Variants in SLAMF9 observed in about 807,000 individuals in gnomAD.
SLAMF9 encodes CD2 family member 10.
A neutral mutation model predicts 30.4 loss-of-function variants in SLAMF9; 25 were observed. The ratio of observed to expected loss-of-function variants is 0.82; its 90% CI spans 0.60 to 1.15. SLAMF9 has a LOEUF of 1.15. Ranked by LOEUF, SLAMF9 falls within the 50% of genes most tolerant of loss-of-function variation. SLAMF9 has a pLI of 0.00. For synonymous variants in SLAMF9, 129 were observed against 127.2 expected (o/e 1.01, Z -0.09); for missense variants, 344 against 346.1 (o/e 0.99, Z 0.05).
At chr1:159,968,516 G>A in the SLAMF9 span, among the ~76,000 whole-genome samples, 1 of 152,174 alleles carries the variant, frequency 6.6e-6, no homozygotes, top group East Asian at 1.9e-4. Context: ...TACCCTGCCA[G>A]TTACAATGGT....
At chr1:159,965,872 A>T in the SLAMF9 span, among the ~76,000 whole-genome samples, 1 of 152,350 alleles carries the variant, frequency 6.6e-6, no homozygotes, top group African/African-American at 2.4e-5. Context: ...ATATAGTACA[A>T]TGTGATGTTT....
the SLAMF9 span, chr1:159,973,379 C>T: frequency 6.6e-5 from 35 of 527,316 alleles, no homozygotes; most frequent in African/African-American, 1.1e-4. Context: ...GGCTGCAGCC[C>T]GGGAACCCCA....
the SLAMF9 span, among the ~76,000 whole-genome samples, chr1:159,970,907 C>A: frequency 1.3e-5 from 2 of 152,146 alleles, no homozygotes; most frequent in Non-Finnish European, 2.9e-5. Flanking sequence ...TAAAATCAGC[C>A]TAGGAAAGAA....
the SLAMF9 span, chr1:159,973,076 A>G: frequency 1.8e-5 from 26 of 1,481,758 alleles, no homozygotes; most frequent in Non-Finnish European, 2.3e-5. Flanking sequence ...AGTAAAGCCC[A>G]GAGTCTCCCT....
the SLAMF9 span, chr1:159,976,577 C>T: frequency 6.6e-6 from 1 of 152,114 alleles, no homozygotes; most frequent in Non-Finnish European, 1.5e-5. Context: ...TTACTATATT[C>T]ACATATATGT....
chr1:159,980,084 T>C, the SLAMF9 span, among the ~76,000 whole-genome samples: 1 of 152,112 alleles, frequency 6.6e-6, no homozygotes, highest in Admixed American at 6.5e-5. Flanking sequence ...CAAAGGAAGT[T>C]TAAGGCCAAT....
chr1:159,961,043 T>G, the SLAMF9 span, among the ~76,000 whole-genome samples: 1 of 152,150 alleles, frequency 6.6e-6, no homozygotes, highest in South Asian at 2.1e-4. Context: ...TTGGATTATC[T>G]CCCAGAAAGA....
chr1:159,965,732 G>A, the SLAMF9 span: 5 of 152,124 alleles, frequency 3.3e-5, no homozygotes, highest in East Asian at 9.6e-4. Context: ...TTAATACTTT[G>A]GAACTCAGAA....
the SLAMF9 span, chr1:159,972,965 C>T: frequency 3.3e-6 from 4 of 1,199,064 alleles, no homozygotes; most frequent in Admixed American, 2.9e-5. Context: ...GCCCAGACCC[C>T]TGGGGGCGTC....
At chr1:159,974,127 C>T in the SLAMF9 span, 5 of 1,236,244 alleles carry the variant, frequency 4.0e-6, no homozygotes, top group Non-Finnish European at 5.8e-6. Context: ...TTCTCTCCCT[C>T]TGTCCTCCAG....
In SLAMF9 at chr1:159,951,640, A is replaced by C. The variant is rs754461680; in HGVS notation, c.*21T>G. 2 of 1,611,602 alleles carry C rather than the reference A, an allele frequency of 1.2e-6. No individual in the cohort carries two copies. The highest frequency in any genetic ancestry group is 2.2e-5 in the South Asian group (2 of 90,886). On this transcript the variant is annotated 3_prime_UTR_variant, in exon 4 of 4. Transcript: ENST00000368093. ...GTGCTGGGAAGAAACCAAGCTCAGGACTGGGGTTCCCAAGGAGCAGTCAGG... is the reference window on the plus strand; with the variant it reads ...GTGCTGGGAAGAAACCAAGCTCAGGCCTGGGGTTCCCAAGGAGCAGTCAGG...
the SLAMF9 span, among the ~76,000 whole-genome samples, chr1:159,959,674 G>T: frequency 2.6e-5 from 4 of 152,068 alleles, no homozygotes; most frequent in Non-Finnish European, 4.4e-5. Context: ...TTCTTTACTT[G>T]GCTTGTGGTC....
At chr1:159,969,833 A>G in the SLAMF9 span, among the ~76,000 whole-genome samples, 206 of 152,312 alleles carry the variant, frequency 1.4e-3, 2 homozygotes, top group African/African-American at 4.8e-3. Context: ...ATTTGAGCCC[A>G]GGAGTTCAAG....
chr1:159,952,213 T>C, intron 3 of SLAMF9, 49 bp downstream of exon 3: 1 of 1,597,296 alleles, frequency 6.3e-7, no homozygotes, highest in South Asian at 1.1e-5. Context: ...ATGGTGCCTC[T>C]AGGCACTATC....
chr1:159,960,207 A>T, the SLAMF9 span, among the ~76,000 whole-genome samples: 4 of 112,060 alleles, frequency 3.6e-5, no homozygotes, highest in Admixed American at 1.3e-4. Context: ...GATGTTCCCC[A>T]TCCTGTGTCC....
the SLAMF9 span, chr1:159,983,447 A>G: frequency 2.6e-5 from 4 of 152,282 alleles, no homozygotes; most frequent in Admixed American, 6.5e-5. Flanking sequence ...TTGCCAAGAA[A>G]AGCAAGAGAT....
intron 2 of SLAMF9, 95 bp from the exon 3 acceptor site, chr1:159,952,629 T>G: frequency 4.6e-6 from 6 of 1,296,570 alleles, no homozygotes; most frequent in Non-Finnish European, 6.5e-6. Context: ...TGCTACCCCT[T>G]GACAGCCCCT....
the SLAMF9 span, among the ~76,000 whole-genome samples, chr1:159,963,954 T>C: frequency 9.2e-5 from 14 of 152,012 alleles, no homozygotes; most frequent in African/African-American, 3.1e-4. Flanking sequence ...CAGCTACTCA[T>C]GAGGCTGAGG....
the SLAMF9 span, chr1:159,972,968 G>A: frequency 3.3e-6 from 4 of 1,202,672 alleles, no homozygotes; most frequent in African/African-American, 1.6e-5. Flanking sequence ...CAGACCCCTG[G>A]GGGCGTCGCC....
Sources: allele counts gnomAD v4.1 joint callset (sites outside exome capture counted in the v4.1 genomes callset), GRCh38; gene constraint gnomAD v4.1.1; transcripts MANE v1.5; gene names NCBI Gene and HGNC (gene_info 2026-07-23, HGNC 2026-07-21).